Variants in GPC6 observed in about 807,000 individuals in gnomAD.
GPC6 encodes the protein glypican 6.
In GPC6, 14 loss-of-function variants were observed where a neutral mutation model predicts 55.2. The observed-to-expected ratio is 0.25, with a 90% CI of 0.17 to 0.40. The LOEUF (loss-of-function observed/expected upper bound fraction) is 0.40. Ranked by LOEUF, GPC6 falls within the 10% of genes least tolerant of loss-of-function variation. The probability of loss-of-function intolerance (pLI) is 1.00; values close to 1 mark genes in which losing one functional copy is unlikely to be tolerated. For missense variants in GPC6, 641 were observed against 708.5 expected (o/e 0.90, Z 1.08); for synonymous variants, 278 against 259.6 (o/e 1.07, Z -0.68).
At chr13:93,719,921 C>G (rs1883392637) in intron 2 of GPC6, among the ~76,000 whole-genome samples, 1 of 152,114 alleles carries the variant, frequency 6.6e-6, no homozygotes, top group African/African-American at 2.4e-5. Flanking sequence ...CCTTGCATCC[C>G]AGGGATGAAG....
chr13:93,247,964 T>C (rs1348785677), intron 1 of GPC6, among the ~76,000 whole-genome samples: 1 of 152,336 alleles, frequency 6.6e-6, no homozygotes, highest in East Asian at 1.9e-4. Flanking sequence ...CATGAAATTA[T>C]ATTTTTTCCA....
chr13:93,999,493 T>G (rs1649935442), intron 3 of GPC6, among the ~76,000 whole-genome samples: 1 of 152,190 alleles, frequency 6.6e-6, no homozygotes, highest in African/African-American at 2.4e-5. Flanking sequence ...TAAACATACG[T>G]GTGCACATGT....
intron 1 of GPC6, among the ~76,000 whole-genome samples, chr13:93,419,619 G>A (rs1320673679): frequency 6.6e-6 from 1 of 152,104 alleles, no homozygotes; most frequent in African/African-American, 2.4e-5. Context: ...CGATAATACA[G>A]CATCTCCATG....
chr13:94,152,991 C>T (rs1200842895), intron 4 of GPC6, among the ~76,000 whole-genome samples: 1 of 151,970 alleles, frequency 6.6e-6, no homozygotes, highest in East Asian at 1.9e-4. Context: ...ATTTTGAAAG[C>T]AACAAAAGTT....
intron 3 of GPC6, among the ~76,000 whole-genome samples, chr13:93,845,272 A>G (rs1011313399): frequency 2.4e-4 from 36 of 151,430 alleles, no homozygotes; most frequent in Non-Finnish European, 4.6e-4. Flanking sequence ...GCAAATCAAA[A>G]CCACTATGAG....
At chr13:93,318,780 A>G (rs1879330063) in intron 1 of GPC6, among the ~76,000 whole-genome samples, 1 of 152,160 alleles carries the variant, frequency 6.6e-6, no homozygotes, top group Non-Finnish European at 1.5e-5. Context: ...GTTGTGAAAT[A>G]CGGGGCTGAA....
At chr13:93,641,733 C>A (rs117874751) in intron 2 of GPC6, among the ~76,000 whole-genome samples, 1 of 151,768 alleles carries the variant, frequency 6.6e-6, no homozygotes, top group Non-Finnish European at 1.5e-5. Flanking sequence ...ACCTTGGACC[C>A]CAGCATATTA....
At chr13:93,231,408 T>C (rs1417440857) in intron 1 of GPC6, among the ~76,000 whole-genome samples, 38 of 43,158 alleles carry the variant, frequency 8.8e-4, no homozygotes, top group African/African-American at 3.7e-3. Context: ...TATATATATA[T>C]ATATATATAT....
intron 1 of GPC6, among the ~76,000 whole-genome samples, chr13:93,474,805 C>A (rs535628440): frequency 1.3e-5 from 2 of 152,116 alleles, no homozygotes; most frequent in Admixed American, 1.3e-4. Flanking sequence ...TACCTGGGGT[C>A]GAAACTTTTT....
chr13:93,754,389 T>C (rs553970022), intron 2 of GPC6, among the ~76,000 whole-genome samples: 1 of 152,272 alleles, frequency 6.6e-6, no homozygotes, highest in East Asian at 1.9e-4. Context: ...CACCTACTAA[T>C]TGTGAGACCT....
intron 1 of GPC6, among the ~76,000 whole-genome samples, chr13:93,510,997 A>ATGTATATATATATG (rs1279972391): frequency 2.2e-5 from 1 of 44,574 alleles, no homozygotes; most frequent in Non-Finnish European, 4.9e-5. Context: ...GTATATATAT[A>ATGTATATATATATG]TATATATATT....
chr13:94,227,500 T>G (rs1472671901), intron 4 of GPC6, among the ~76,000 whole-genome samples: 1 of 152,204 alleles, frequency 6.6e-6, no homozygotes, highest in Non-Finnish European at 1.5e-5. Context: ...TATTCTAAAT[T>G]GCACAAAGTT....
intron 3 of GPC6, among the ~76,000 whole-genome samples, chr13:93,898,937 A>T (rs1876178095): frequency 1.0e-5 from 1 of 95,240 alleles, no homozygotes; most frequent in Admixed American, 1.1e-4. Context: ...AATATTATAT[A>T]TAAATATATA....
chr13:93,850,993 G>A (rs1888372811), intron 3 of GPC6, among the ~76,000 whole-genome samples: 1 of 151,924 alleles, frequency 6.6e-6, no homozygotes, highest in South Asian at 2.1e-4. Context: ...GAAAGTTGTA[G>A]GCTGTACTTC....
At chr13:94,116,060 AAAT>A (rs1275893211) in intron 4 of GPC6, among the ~76,000 whole-genome samples, 1 of 152,100 alleles carries the variant, frequency 6.6e-6, no homozygotes, top group Non-Finnish European at 1.5e-5. Context: ...GGATAATTAT[AAAT>A]AATAAGTATC....
intron 2 of GPC6, among the ~76,000 whole-genome samples, chr13:93,720,859 C>T (rs1291886879): frequency 1.3e-5 from 2 of 151,978 alleles, no homozygotes; most frequent in Admixed American, 6.6e-5. Context: ...GTTCAGTTTC[C>T]ATGTAGCTGT....
At position 93,313,065 on chromosome 13, in the gene GPC6, T is replaced by C. The variant is rs574215503; in HGVS notation, c.160+85449T>C. Among the ~76,000 whole-genome samples, 6 of 152,306 alleles carry C rather than the reference T, an allele frequency of 3.9e-5. No homozygotes were observed. The South Asian group carries it at 1.2e-3, about 32-fold the overall frequency. The stretch of plus-strand genomic sequence containing the variant: ...TTCACATGACATTGTCAGCACATGT[T>C]AACTCTATGTTTTGGAAGGCTGCTT... On this transcript the variant is annotated intron_variant, in intron 1 of 8. Coordinates refer to ENST00000377047, the MANE Select transcript of GPC6 (RefSeq NM_005708.5).
At position 93,924,199 on chromosome 13, in the gene GPC6, T is replaced by C. The variant is rs147815828; in HGVS notation, c.711+93654T>C. Among the ~76,000 whole-genome samples the C allele has an allele frequency of 1.4e-3, 213 of 152,380 alleles. 2 individuals carry two copies. The highest frequency in any genetic ancestry group is 5.1e-3 in the African/African-American group (211 of 41,594). ...CACCCTCTTTATTATACATTTGATATACAGTATGTATGGCTCTCCTTTGTA... is the reference window on the plus strand; with the variant it reads ...CACCCTCTTTATTATACATTTGATACACAGTATGTATGGCTCTCCTTTGTA... On this transcript the variant is annotated intron_variant, in intron 3 of 8. Coordinates refer to ENST00000377047, the MANE Select transcript of GPC6 (RefSeq NM_005708.5).
intron 4 of GPC6, among the ~76,000 whole-genome samples, chr13:94,029,971 T>G (rs1883050632): frequency 6.6e-6 from 1 of 151,992 alleles, no homozygotes; most frequent in South Asian, 2.1e-4. Flanking sequence ...TGGTTCGTCC[T>G]ATATGAACGT....
Sources: allele counts gnomAD v4.1 joint callset (sites outside exome capture counted in the v4.1 genomes callset), GRCh38; gene constraint gnomAD v4.1.1; transcripts MANE v1.5; gene names NCBI Gene and HGNC (gene_info 2026-07-23, HGNC 2026-07-21).